TOPAZ1: variants seen among roughly 807,000 people sequenced by gnomAD.
TOPAZ1 encodes testis and ovary specific TOPAZ 1.
A neutral mutation model predicts 172.2 loss-of-function variants in TOPAZ1; 66 were observed. The observed-to-expected ratio is 0.38, with a 90% CI of 0.31 to 0.47. The LOEUF is 0.47. Ranked by LOEUF, TOPAZ1 falls within the 20% of genes least tolerant of loss-of-function variation. TOPAZ1 has a pLI of 0.99. For synonymous variants in TOPAZ1, 681 were observed against 683.9 expected (o/e 1.00, Z 0.07); for missense variants, 1,822 against 1,972.4 (o/e 0.92, Z 1.44).
At chr3:44,299,173 G>T (rs562444221) in intron 12 of TOPAZ1, among the ~76,000 whole-genome samples, 3 of 150,994 alleles carry the variant, frequency 2.0e-5, no homozygotes, top group Non-Finnish European at 4.4e-5. Flanking sequence ...CACCCACCTC[G>T]GCCTCCCAAA....
At chr3:44,270,945 A>G (rs1699889467) in intron 8 of TOPAZ1, 135 bp downstream of exon 8, 1 of 751,596 alleles carries the variant, frequency 1.3e-6, no homozygotes, top group Non-Finnish European at 2.0e-6. Flanking sequence ...TATAAATGGA[A>G]TCATATGTGT....
chr3:44,258,819 C>A (rs959986598), intron 4 of TOPAZ1, among the ~76,000 whole-genome samples: 2 of 152,066 alleles, frequency 1.3e-5, no homozygotes, highest in African/African-American at 4.8e-5. Context: ...GTTTTAATTT[C>A]TCTGGGATAA....
At chr3:44,278,449 G>A (rs1172469450) in intron 8 of TOPAZ1, among the ~76,000 whole-genome samples, 1 of 152,044 alleles carries the variant, frequency 6.6e-6, no homozygotes, top group Non-Finnish European at 1.5e-5. Context: ...GAGGAAAATT[G>A]GTATTAGTTC....
At chr3:44,255,670 T>TACACACACACAC (rs71085609) in intron 3 of TOPAZ1, among the ~76,000 whole-genome samples, 7 of 46,380 alleles carry the variant, frequency 1.5e-4, no homozygotes, top group Middle Eastern at 0.018. Flanking sequence ...AAAATATATA[T>TACACACACACAC]ACACACACAC....
intron 9 of TOPAZ1, among the ~76,000 whole-genome samples, chr3:44,283,576 A>G (rs908792573): frequency 1.3e-5 from 2 of 152,204 alleles, no homozygotes; most frequent in African/African-American, 4.8e-5. Context: ...GAATTTCCAC[A>G]TAAAATTCTT....
At chr3:44,333,350 G>A (rs1024041305), downstream of TOPAZ1, among the ~76,000 whole-genome samples, 1 of 152,174 alleles carries the variant, frequency 6.6e-6, no homozygotes, top group Admixed American at 6.5e-5. Context: ...AAGGAACTGG[G>A]TGACTATAAC....
intron 5 of TOPAZ1, among the ~76,000 whole-genome samples, chr3:44,263,021 C>A (rs1304530360): frequency 1.3e-5 from 2 of 152,124 alleles, no homozygotes; most frequent in Non-Finnish European, 2.9e-5. Flanking sequence ...AAGTGTGATC[C>A]TTGGAGAAGC....
At chr3:44,330,265 G>A (rs1296907744) in intron 19 of TOPAZ1, among the ~76,000 whole-genome samples, 2 of 152,064 alleles carry the variant, frequency 1.3e-5, no homozygotes, top group Non-Finnish European at 2.9e-5. Context: ...TCCTAATGAG[G>A]TCATGGTTTT....
At chr3:44,251,896 T>G (rs1699636622) in intron 2 of TOPAZ1, among the ~76,000 whole-genome samples, 1 of 152,210 alleles carries the variant, frequency 6.6e-6, no homozygotes, top group South Asian at 2.1e-4. Flanking sequence ...TTCAGAACTG[T>G]GACTACACTC....
intron 12 of TOPAZ1, among the ~76,000 whole-genome samples, chr3:44,301,177 A>G (rs1700268480): frequency 6.6e-6 from 1 of 152,218 alleles, no homozygotes; most frequent in Non-Finnish European, 1.5e-5. Flanking sequence ...GTTCCTTTGT[A>G]GAAATGGAAC....
intron 9 of TOPAZ1, among the ~76,000 whole-genome samples, chr3:44,286,994 A>G (rs950787703): frequency 1.3e-5 from 2 of 152,224 alleles, no homozygotes; most frequent in Non-Finnish European, 2.9e-5. Flanking sequence ...TAAAGCAACA[A>G]GCATGGGTAT....
chr3:44,269,863 C>A (rs1448223026), intron 7 of TOPAZ1, among the ~76,000 whole-genome samples: 1 of 152,102 alleles, frequency 6.6e-6, no homozygotes, highest in African/African-American at 2.4e-5. Flanking sequence ...AACTCCTGAC[C>A]TCGTGATCCT....
intron 2 of TOPAZ1, among the ~76,000 whole-genome samples, chr3:44,251,761 A>T (rs572821522): frequency 1.3e-5 from 2 of 151,234 alleles, no homozygotes; most frequent in East Asian, 2.0e-4. Context: ...AACCTGTCTT[A>T]CTCTCTCCTC....
chr3:44,309,810 T>G lies in TOPAZ1; in HGVS notation c.4141-15T>G, dbSNP rs779388498. The G allele has an allele frequency of 8.2e-6, 12 of 1,465,844 alleles. No individual in the cohort carries two copies. Among genetic ancestry groups the G allele is most frequent in the Middle Eastern group, 2.0e-4 (1 of 5,044 alleles). 90.8% of individuals were successfully genotyped at this position (1,465,844 alleles called of 1,614,324 possible). On this transcript the variant is annotated splice_polypyrimidine_tract_variant and intron_variant, in intron 15 of 19. Coordinates refer to ENST00000309765, the MANE Select transcript of TOPAZ1 (RefSeq NM_001145030.2). ...ATGATTGATACCCAATTAGTGTTCTTTATTTTTATTCTAGGGAAGGAAGGT... is the reference window on the plus strand; with the variant it reads ...ATGATTGATACCCAATTAGTGTTCTGTATTTTTATTCTAGGGAAGGAAGGT...
chr3:44,322,493 C>A (rs939199429), intron 17 of TOPAZ1, among the ~76,000 whole-genome samples: 1 of 152,194 alleles, frequency 6.6e-6, no homozygotes, highest in Non-Finnish European at 1.5e-5. Context: ...TGTCAAGCTT[C>A]TTTTTATCTT....
Position 44,243,399 on chromosome 3 carries a change from G to A in TOPAZ1, c.893G>A (p.Ser298Asn). Residue 298 changes from serine to asparagine, a missense_variant, in exon 2 of 20, where the codon AGT (serine) becomes AAT (asparagine). Physicochemically the swap from Ser to Asn is conservative, Grantham distance 46. Transcript: ENST00000309765. ...MGVNKLLPEESDLYQSKTNGL... is the reference protein window; with the variant it reads ...MGVNKLLPEENDLYQSKTNGL... ...GTAAATAAGTTACTACCAGAAGAGA[G>A]TGATTTATACCAAAGTAAAACCAAT... The A allele has an allele frequency of 6.4e-7, 1 of 1,551,212 alleles. No homozygotes were observed.
chr3:44,317,530 C>T (rs939813433), intron 16 of TOPAZ1, among the ~76,000 whole-genome samples: 2 of 152,198 alleles, frequency 1.3e-5, no homozygotes, highest in Non-Finnish European at 2.9e-5. Context: ...GTTTGATAGT[C>T]TCACTGACTA....
At chr3:44,328,935 AT>A (rs1700633327) in intron 19 of TOPAZ1, among the ~76,000 whole-genome samples, 1 of 152,190 alleles carries the variant, frequency 6.6e-6, no homozygotes, top group Non-Finnish European at 1.5e-5. Flanking sequence ...CTTTCACGTA[AT>A]TTTGTTTAGA....
In TOPAZ1 at chr3:44,256,658, T is replaced by G. The variant is rs140955994; in HGVS notation, c.2955+380T>G. 4.1e-3 allele frequency among the ~76,000 whole-genome samples: 632 copies of G among 152,306 alleles called. 10 individuals carry two copies. Among genetic ancestry groups the G allele is most frequent in the African/African-American group, 0.015 (604 of 41,562 alleles). ...GTAGCATAGTACCTGAGGGCCATGC[T>G]TCCTAGTATGGGATGATTTCTTTGT... On this transcript the variant is annotated intron_variant, in intron 4 of 19. Coordinates refer to ENST00000309765, the MANE Select transcript of TOPAZ1 (RefSeq NM_001145030.2).
Sources: allele counts gnomAD v4.1 joint callset (sites outside exome capture counted in the v4.1 genomes callset), GRCh38; gene constraint gnomAD v4.1.1; transcripts MANE v1.5; gene names NCBI Gene and HGNC (gene_info 2026-07-23, HGNC 2026-07-21).